The following PRH1 variants were observed in gnomAD, a reference collection of about 807,000 sequenced individuals.
PRH1 encodes proline rich protein HaeIII subfamily 1.
Under a neutral mutation model 7.9 loss-of-function variants are expected in PRH1, and 7 were observed. The ratio of observed to expected loss-of-function variants is 0.89; its 90% CI spans 0.50 to 1.67. The LOEUF (loss-of-function observed/expected upper bound fraction) is 1.67, where lower values mean the gene tolerates loss of function less well. Among genes scored for constraint, PRH1 ranks in the 40% most tolerant of loss-of-function variants. The pLI, the probability that PRH1 is intolerant of heterozygous loss-of-function variation, is 0.00. For missense variants in PRH1, 109 were observed against 223.6 expected, an observed-to-expected ratio of 0.49 and a Z score of 3.27; for synonymous variants, 45 against 80.8, an observed-to-expected ratio of 0.56 and a Z score of 2.38.
At chr12:11,022,424 C>T (rs1178794298) in intron 1 of PRH1, 1 of 1,613,970 alleles carries the variant, frequency 6.2e-7, no homozygotes, top group Non-Finnish European at 8.5e-7. Flanking sequence ...ACCACCAGAG[C>T]AGTGAGAATT....
chr12:10,941,582 AT>A (rs961295561), intron 2 of PRH1, among the ~76,000 whole-genome samples: 5 of 149,008 alleles, frequency 3.4e-5, no homozygotes, highest in South Asian at 4.3e-4. Context: ...AAAATTTATT[AT>A]TTATTATTAA....
intron 1 of PRH1, among the ~76,000 whole-genome samples, chr12:10,984,304 C>G (rs1032478593): frequency 6.6e-6 from 1 of 152,124 alleles, no homozygotes; most frequent in African/African-American, 2.4e-5. Context: ...TCAGGGCTAT[C>G]TTAGAGTGGT....
chr12:10,921,686 C>G (rs948010234), intron 2 of PRH1, among the ~76,000 whole-genome samples: 13 of 152,078 alleles, frequency 8.5e-5, no homozygotes, highest in Admixed American at 2.6e-4. Flanking sequence ...ATAATTACTG[C>G]CCTTCAGACA....
intron 1 of PRH1, among the ~76,000 whole-genome samples, chr12:10,977,262 T>C (rs1372540684): frequency 6.6e-6 from 1 of 152,206 alleles, no homozygotes; most frequent in Non-Finnish European, 1.5e-5. Context: ...TGTTTCAGCA[T>C]ATGCAGATCA....
intron 1 of PRH1, among the ~76,000 whole-genome samples, chr12:11,075,729 G>C (rs201257296): frequency 7.7e-6 from 1 of 130,626 alleles, no homozygotes; most frequent in Admixed American, 8.0e-5. Flanking sequence ...CCTAGAATTG[G>C]GGAATAGCCA....
rs146943644 is a variant in PRH1 at position 10,961,982 on chromosome 12, G to A, written c.-59+11673C>T. On this transcript the variant is annotated intron_variant, in intron 2 of 3. Transcript: ENST00000539853. ...ACATTGTTACAATACATCCCAACAC[G>A]TTCTTTCACATCTGCTCTTGCCTCA... Among the ~76,000 whole-genome samples, 319 of 152,238 alleles carry A rather than the reference G, an allele frequency of 2.1e-3. 2 individuals carry two copies. Among genetic ancestry groups the A allele is most frequent in the African/African-American group, 7.3e-3 (302 of 41,556 alleles).
intron 2 of PRH1, among the ~76,000 whole-genome samples, chr12:10,901,109 G>C (rs1281758688): frequency 6.6e-6 from 1 of 152,168 alleles, no homozygotes; most frequent in East Asian, 1.9e-4. Flanking sequence ...GGCAACCTGT[G>C]CTGCCTCACC....
intron 1 of PRH1, among the ~76,000 whole-genome samples, chr12:11,059,665 T>C (rs2708382): frequency 0.98 from 149,450 of 152,354 alleles, 73,351 homozygotes; most frequent in Middle Eastern, 1. Context: ...CCTGATACAG[T>C]TGCATCAAGA....
At chr12:11,059,935 A>G (rs1371346337) in intron 1 of PRH1, among the ~76,000 whole-genome samples, 1 of 152,114 alleles carries the variant, frequency 6.6e-6, no homozygotes, top group Non-Finnish European at 1.5e-5. Context: ...CTGGGAGTCA[A>G]CAGAAAGCAA....
At chr12:11,097,091 C>A (rs190014120) in intron 1 of PRH1, 3,622 of 143,400 alleles carry the variant, frequency 0.025, 924 homozygotes, top group Middle Eastern at 0.038. Context: ...AGCCACCGCG[C>A]CTGCCCTATG....
chr12:10,913,568 G>C (rs979419326), intron 2 of PRH1, among the ~76,000 whole-genome samples: 1 of 152,086 alleles, frequency 6.6e-6, no homozygotes, highest in Non-Finnish European at 1.5e-5. Flanking sequence ...TTGTTATTAG[G>C]ATTTAGATAT....
chr12:11,052,452 C>A (rs199832144), intron 1 of PRH1, among the ~76,000 whole-genome samples: 2 of 139,518 alleles, frequency 1.4e-5, no homozygotes, highest in African/African-American at 5.2e-5. Flanking sequence ...AGATTTTCTA[C>A]TGGTCTTTGG....
chr12:11,027,093 T>C (rs1240030709), intron 1 of PRH1, among the ~76,000 whole-genome samples: 1 of 152,156 alleles, frequency 6.6e-6, no homozygotes, highest in Admixed American at 6.5e-5. Flanking sequence ...TGTGAAATCC[T>C]AGCCCTACAG....
intron 1 of PRH1, among the ~76,000 whole-genome samples, chr12:11,037,981 G>A (rs1262723223): frequency 6.6e-6 from 1 of 152,266 alleles, no homozygotes; most frequent in African/African-American, 2.4e-5. Flanking sequence ...GGCGGAGGTT[G>A]CATTGAGCCA....
chr12:11,151,857 T>C (rs1947099465), intron 1 of PRH1, among the ~76,000 whole-genome samples: 1 of 152,142 alleles, frequency 6.6e-6, no homozygotes, highest in African/African-American at 2.4e-5. Flanking sequence ...TTAAATCTAT[T>C]AGTGAGTTGA....
intron 2 of PRH1, among the ~76,000 whole-genome samples, chr12:10,889,390 TA>T (rs1472662787): frequency 6.6e-6 from 1 of 152,232 alleles, no homozygotes; most frequent in Non-Finnish European, 1.5e-5. Flanking sequence ...CTATTATTTA[TA>T]TTGCATTTTC....
At chr12:11,135,204 C>A (rs7971704) in intron 1 of PRH1, among the ~76,000 whole-genome samples, 5,394 of 152,118 alleles carry the variant, frequency 0.035, 314 homozygotes, top group African/African-American at 0.12. Flanking sequence ...CTTGCAGTAT[C>A]CTCCCATCAC....
At chr12:10,935,124 G>A (rs1950268386) in intron 2 of PRH1, among the ~76,000 whole-genome samples, 1 of 152,062 alleles carries the variant, frequency 6.6e-6, no homozygotes, top group Non-Finnish European at 1.5e-5. Context: ...GCTGAGTGCT[G>A]ATAATTTACA....
chr12:10,889,216 G>A (rs953356917), upstream of PRH1, among the ~76,000 whole-genome samples: 7 of 152,014 alleles, frequency 4.6e-5, no homozygotes, highest in East Asian at 1.3e-3. Context: ...ATTCTCCTAG[G>A]TTTCTAGCTT....
Sources: allele counts gnomAD v4.1 joint callset (sites outside exome capture counted in the v4.1 genomes callset), GRCh38; gene constraint gnomAD v4.1.1; transcripts MANE v1.5; gene names NCBI Gene and HGNC (gene_info 2026-07-23, HGNC 2026-07-21).